ESYT3: variants seen among roughly 807,000 people sequenced by gnomAD.
ESYT3 encodes the protein extended synaptotagmin 3.
Under a neutral mutation model 111.5 loss-of-function variants are expected in ESYT3, and 101 were observed. The observed-to-expected ratio is 0.91, with a 90% CI of 0.77 to 1.07. The LOEUF (loss-of-function observed/expected upper bound fraction) is 1.07, where lower values mean the gene tolerates loss of function less well. Ranked by LOEUF, ESYT3 falls within the 50% of genes least tolerant of loss-of-function variation. The probability of loss-of-function intolerance (pLI) is 0.00; values close to 1 mark genes in which losing one functional copy is unlikely to be tolerated. For synonymous variants in ESYT3, 416 were observed against 446.8 expected (o/e 0.93, Z 0.87); for missense variants, 1,097 against 1,109.4 (o/e 0.99, Z 0.16).
Position 138,434,665 on chromosome 3 carries a change from C to T in ESYT3, c.-134C>T. 4 of 808,962 alleles carry T rather than the reference C, an allele frequency of 4.9e-6. No homozygotes were observed. In the South Asian group the frequency reaches 6.1e-5, roughly 12 times the overall value. The allele number at this position is 808,962 out of a possible 1,614,324, so 50.1% of individuals were successfully genotyped here. On this transcript the variant is annotated 5_prime_UTR_variant, in exon 1 of 23. Transcript: ENST00000389567. Reference sequence around the variant, plus strand: ...CGCAGAGAACCCTGAGCTCGGCGCGCCGAGAGTCCCAGCAGGGCAAGGGGG... The same window carrying T: ...CGCAGAGAACCCTGAGCTCGGCGCGTCGAGAGTCCCAGCAGGGCAAGGGGG...
chr3:138,473,018 A>T (rs964989486), intron 18 of ESYT3, 159 bp downstream of exon 18: 5 of 1,469,958 alleles, frequency 3.4e-6, no homozygotes, highest in Middle Eastern at 3.8e-4. Context: ...ACACAGGACA[A>T]GGGAGAGAGA....
chr3:138,464,702 A>C (rs895947475), intron 9 of ESYT3, among the ~76,000 whole-genome samples, 187 bp downstream of exon 9: 2 of 152,160 alleles, frequency 1.3e-5, no homozygotes, highest in Non-Finnish European at 2.9e-5. Context: ...CTGAAGGCAA[A>C]TTCCTACCTC....
At chr3:138,480,761 A>G (rs960364891), downstream of ESYT3, 6 of 152,228 alleles carry the variant, frequency 3.9e-5, no homozygotes, top group African/African-American at 1.2e-4. Context: ...ATAAATCAAC[A>G]GGTTGTGTGT....
At chr3:138,468,533 C>A (rs941361933) in intron 12 of ESYT3, 122 bp from the exon 13 acceptor site, 3 of 952,824 alleles carry the variant, frequency 3.1e-6, no homozygotes, top group Non-Finnish European at 5.1e-6. Flanking sequence ...AGAGGTCCTC[C>A]GGCAGCTAGT....
At chr3:138,437,635 G>C (rs1159931143) in intron 1 of ESYT3, among the ~76,000 whole-genome samples, 1 of 152,174 alleles carries the variant, frequency 6.6e-6, no homozygotes, top group Non-Finnish European at 1.5e-5. Flanking sequence ...AGGAGCCTTG[G>C]ATGCTTCTGA....
chr3:138,465,208 A>C, intron 9 of ESYT3, 131 bp from the exon 10 acceptor site: 2 of 620,596 alleles, frequency 3.2e-6, no homozygotes, highest in Non-Finnish European at 5.8e-6. Flanking sequence ...CTCCCTTCTT[A>C]TGGGTGGGGT....
intron 1 of ESYT3, among the ~76,000 whole-genome samples, chr3:138,439,869 G>A (rs1456153906): frequency 6.6e-6 from 1 of 152,186 alleles, no homozygotes; most frequent in Non-Finnish European, 1.5e-5. Flanking sequence ...CTTTCAGCTG[G>A]TAGCCATCAG....
chr3:138,476,687 C>A, intron 22 of ESYT3, 131 bp from the exon 23 acceptor site: 1 of 1,111,114 alleles, frequency 9.0e-7, no homozygotes, highest in Non-Finnish European at 1.3e-6. Flanking sequence ...TGAACCCTGG[C>A]TGGCCAACTT....
At chr3:138,465,135 C>G (rs2032859282) in intron 9 of ESYT3, among the ~76,000 whole-genome samples, 1 of 152,246 alleles carries the variant, frequency 6.6e-6, no homozygotes, top group Non-Finnish European at 1.5e-5. Flanking sequence ...TGGGCACCTG[C>G]TCTGCCATGG....
At chr3:138,474,444 G>C in intron 20 of ESYT3, 92 bp downstream of exon 20, 1 of 1,425,574 alleles carries the variant, frequency 7.0e-7, no homozygotes, top group Non-Finnish European at 9.4e-7. Context: ...CCAGATGCTG[G>C]AAGGGGCTAT....
chr3:138,443,051 A>T (rs1334864818), intron 1 of ESYT3, among the ~76,000 whole-genome samples: 1 of 152,138 alleles, frequency 6.6e-6, no homozygotes, highest in Non-Finnish European at 1.5e-5. Context: ...TACTCTGTGG[A>T]CAGCTCAGGG....
intron 8 of ESYT3, among the ~76,000 whole-genome samples, chr3:138,463,600 A>C (rs2032767589): frequency 6.6e-6 from 1 of 152,220 alleles, no homozygotes; most frequent in South Asian, 2.1e-4. Context: ...ATAGCCTTGC[A>C]TACATGTCTT....
chr3:138,465,305 G>A (rs1452509904), intron 9 of ESYT3, 34 bp from the exon 10 acceptor site: 4 of 1,508,390 alleles, frequency 2.7e-6, no homozygotes, highest in South Asian at 2.4e-5. Flanking sequence ...GTCGACTGTT[G>A]CCTGCAGGTC....
intron 1 of ESYT3, among the ~76,000 whole-genome samples, chr3:138,438,320 G>A (rs2030878278): frequency 6.6e-6 from 1 of 152,206 alleles, no homozygotes; most frequent in South Asian, 2.1e-4. Flanking sequence ...GCAGCTCAAG[G>A]GCACCACACT....
chr3:138,448,615 A>G (rs1402133935), intron 1 of ESYT3, among the ~76,000 whole-genome samples: 1 of 152,250 alleles, frequency 6.6e-6, no homozygotes, highest in African/African-American at 2.4e-5. Context: ...GAAAATCCAG[A>G]GTAACTTTGA....
At position 138,476,329 on chromosome 3, in the gene ESYT3, G is replaced by T; in HGVS notation, c.2574+1G>T. On this transcript the variant is annotated splice_donor_variant, in intron 21 of 22. Coordinates refer to ENST00000389567, the MANE Select transcript of ESYT3 (RefSeq NM_031913.5). LOFTEE classifies it high-confidence loss of function. ...ACACAGAAGAAAGGAGTTAGGAAAA[G>T]TAAGTACAAGAGATATTTGATATAC... The T allele has an allele frequency of 6.2e-7, 1 of 1,611,070 alleles. No individual in the cohort carries two copies. Among genetic ancestry groups the T allele is most frequent in the South Asian group, 1.1e-5 (1 of 90,994 alleles).
At chr3:138,450,830 C>T (rs774180221) in intron 1 of ESYT3, among the ~76,000 whole-genome samples, 1 of 152,192 alleles carries the variant, frequency 6.6e-6, no homozygotes, top group Non-Finnish European at 1.5e-5. Context: ...TCTACTTAGT[C>T]CCAGAACAGT....
chr3:138,470,937 C>G lies in ESYT3; in HGVS notation c.1651C>G (p.Leu551Val), dbSNP rs749964563. 1 of 1,614,144 alleles carries G rather than the reference C, an allele frequency of 6.2e-7. No individual in the cohort carries two copies. The highest frequency in any genetic ancestry group is 1.3e-5 in the African/African-American group (1 of 75,024). ...GCTGGAGGTCCCCCTGTGCCAGATCCTCCCCTATGCTGACCTCACTCTTGA... is the reference window on the plus strand; with the variant it reads ...GCTGGAGGTCCCCCTGTGCCAGATCGTCCCCTATGCTGACCTCACTCTTGA... ...GMLEVPLCQI[L>V]PYADLTLEQR... is the part of the protein sequence containing the mutation. The change falls in exon 17 of 23, where the codon CTC becomes GTC. Residue 551 changes from leucine to valine, a missense_variant. Leu to Val is a conservative substitution (Grantham distance 32). Coordinates refer to ENST00000389567, the MANE Select transcript of ESYT3 (RefSeq NM_031913.5).
At chr3:138,446,758 G>C (rs1302526448) in intron 1 of ESYT3, among the ~76,000 whole-genome samples, 1 of 152,124 alleles carries the variant, frequency 6.6e-6, no homozygotes, top group Non-Finnish European at 1.5e-5. Context: ...AGACATGGTG[G>C]CATGTACCTG....
Sources: gnomAD v4.1 joint callset for allele counts (sites outside exome capture counted in the v4.1 genomes callset) on GRCh38, gnomAD v4.1.1 for gene constraint, MANE v1.5 for transcripts, NCBI Gene and HGNC (gene_info 2026-07-23, HGNC 2026-07-21) for gene names.